Variants in PRKCH observed in about 807,000 individuals in gnomAD.
The protein encoded by PRKCH is protein kinase C eta.
A neutral mutation model predicts 82.5 loss-of-function variants in PRKCH; 28 were observed. The ratio of observed to expected loss-of-function variants is 0.34; its 90% confidence interval spans 0.25 to 0.47. The LOEUF is 0.47. Among genes scored for constraint, PRKCH ranks in the 20% least tolerant of loss-of-function variants. The pLI, the probability that PRKCH is intolerant of heterozygous loss-of-function variation, is 1.00. For synonymous variants in PRKCH, 322 were observed against 327.4 expected (o/e 0.98, Z 0.18); for missense variants, 705 against 881.8 (o/e 0.80, Z 2.54).
chr14:61,277,169 T>C (rs923607434), intron 1 of PRKCH, among the ~76,000 whole-genome samples: 2 of 152,062 alleles, frequency 1.3e-5, no homozygotes, highest in Non-Finnish European at 2.9e-5. Context: ...ATCACAGCAC[T>C]CCGGCCTGGG....
chr14:61,281,079 G>T, intron 1 of PRKCH: 1 of 1,517,294 alleles, frequency 6.6e-7, no homozygotes, highest in Non-Finnish European at 8.8e-7. Context: ...GCCAGGCGGG[G>T]AGGCGCTGCT....
intron 9 of PRKCH, among the ~76,000 whole-genome samples, chr14:61,476,909 T>C (rs763870972): frequency 6.6e-6 from 1 of 152,218 alleles, no homozygotes; most frequent in African/African-American, 2.4e-5. Context: ...TGTTTCTTCC[T>C]TGAAGCCTTT....
intron 7 of PRKCH, among the ~76,000 whole-genome samples, chr14:61,456,451 G>A (rs546192891): frequency 5.3e-5 from 8 of 152,296 alleles, no homozygotes; most frequent in South Asian, 2.1e-4. Context: ...TTGAATAGCC[G>A]TTAGAACTCA....
At chr14:61,371,320 A>G (rs1476370385) in intron 1 of PRKCH, among the ~76,000 whole-genome samples, 1 of 152,064 alleles carries the variant, frequency 6.6e-6, no homozygotes, top group East Asian at 1.9e-4. Context: ...CATTATTACT[A>G]ATTAAACTTC....
intron 1 of PRKCH, among the ~76,000 whole-genome samples, chr14:61,302,006 T>A (rs1055532558): frequency 6.6e-6 from 1 of 152,226 alleles, no homozygotes; most frequent in Non-Finnish European, 1.5e-5. Context: ...ACTGACCTAG[T>A]TTCTATCACT....
chr14:61,252,271 G>A (rs752934522), intron 1 of PRKCH, among the ~76,000 whole-genome samples: 13 of 152,158 alleles, frequency 8.5e-5, no homozygotes, highest in Non-Finnish European at 1.6e-4. Context: ...ATGATTCCTC[G>A]TTGGTCTGTC....
intron 1 of PRKCH, among the ~76,000 whole-genome samples, chr14:61,201,810 A>G: frequency 6.6e-6 from 1 of 152,194 alleles, no homozygotes; most frequent in East Asian, 1.9e-4. Flanking sequence ...CTTGAAGTTG[A>G]TAAGCAAAGA....
At chr14:61,547,680 T>C (rs1188111321) in intron 12 of PRKCH, 63 bp from the exon 13 acceptor site, 15 of 1,560,476 alleles carry the variant, frequency 9.6e-6, no homozygotes, top group Non-Finnish European at 1.3e-5. Flanking sequence ...TGATGCCTGC[T>C]GTCTTGTGAC....
At chr14:61,284,125 T>G (rs1364539598) in intron 1 of PRKCH, among the ~76,000 whole-genome samples, 1 of 152,168 alleles carries the variant, frequency 6.6e-6, no homozygotes, top group Non-Finnish European at 1.5e-5. Flanking sequence ...AGAGAACAGG[T>G]GCAGAGTTAT....
chr14:61,274,158 A>C (rs570282413), intron 1 of PRKCH, among the ~76,000 whole-genome samples: 1 of 152,266 alleles, frequency 6.6e-6, no homozygotes, highest in Non-Finnish European at 1.5e-5. Flanking sequence ...GTGAAAACAC[A>C]GAGTAAAGTC....
chr14:61,210,138 ATATATATATATATATATATATAT>A lies in PRKCH; in HGVS notation c.-19+22471_-19+22493del, dbSNP rs2044561407. On this transcript the variant is annotated intron_variant, in intron 1 of 3. Coordinates refer to the PRKCH transcript ENST00000555185. ...TATATATATATATATATATATATAT[ATATATATATATATATATATATAT>A]AAATTAGCTTGGCATAGTGGCAGGC... 6.4e-4 allele frequency among the ~76,000 whole-genome samples: 28 copies of A among 43,710 alleles called. 1 individual carries two copies. The highest frequency in any genetic ancestry group is 1.6e-3 in the South Asian group (2 of 1,218). The allele number at this position is 43,710 out of a possible 152,430, so 28.7% of individuals were successfully genotyped here. A position where few individuals can be genotyped will look rare whatever the true frequency, so the allele number is the denominator to read the frequency against.
chr14:61,531,118 G>A (rs1329296100), intron 12 of PRKCH, among the ~76,000 whole-genome samples: 3 of 152,214 alleles, frequency 2.0e-5, no homozygotes, highest in African/African-American at 7.2e-5. Context: ...GCCACGCCCA[G>A]GCTGCAGGTG....
chr14:61,380,556 G>T lies in PRKCH; in HGVS notation c.364-10669G>T, dbSNP rs577391739. Among the ~76,000 whole-genome samples, 7 of 152,254 alleles carry T rather than the reference G, an allele frequency of 4.6e-5. No homozygotes were observed. In the South Asian group the frequency reaches 1.5e-3, roughly 32 times the overall value. On this transcript the variant is annotated intron_variant, in intron 1 of 13. Transcript: ENST00000332981. ...GCTTTGGACCTGATGGGCTGGGCTT[G>T]GTCTCTTCAGAGCCTCTGTCCTCAT... is the stretch of plus-strand genomic sequence containing the variant.
intron 1 of PRKCH, among the ~76,000 whole-genome samples, chr14:61,222,081 G>T (rs990279059): frequency 6.6e-6 from 1 of 152,134 alleles, no homozygotes; most frequent in Non-Finnish European, 1.5e-5. Context: ...GAGTGCTGAC[G>T]CCTGCCTTCT....
intron 1 of PRKCH, among the ~76,000 whole-genome samples, chr14:61,261,305 T>C (rs529358653): frequency 2.0e-5 from 3 of 152,280 alleles, no homozygotes; most frequent in Admixed American, 1.3e-4. Context: ...TAGGGAATAG[T>C]TGAAGCAGCA....
At chr14:61,245,917 A>G (rs993578093) in intron 1 of PRKCH, among the ~76,000 whole-genome samples, 7 of 152,158 alleles carry the variant, frequency 4.6e-5, no homozygotes, top group Admixed American at 1.3e-4. Flanking sequence ...AGAACGACCT[A>G]TTTCTGTTTC....
Position 61,550,505 on chromosome 14 carries a change from T to C in PRKCH, c.*674T>C, listed in dbSNP as rs2043311821. 1 of 152,704 alleles carries C rather than the reference T, an allele frequency of 6.5e-6. No homozygotes were observed. The highest frequency in any genetic ancestry group is 2.1e-4 in the South Asian group (1 of 4,834). The allele number at this position is 152,704 out of a possible 1,614,324, so 9.5% of individuals were successfully genotyped here. A position where few individuals can be genotyped will look rare whatever the true frequency, so the allele number is the denominator to read the frequency against. The stretch of plus-strand genomic sequence containing the variant: ...GAAAAGGTGCCACAATGCCCAGTAT[T>C]GTAAACAACAGGTTTGCATTCATGA... On this transcript the variant is annotated 3_prime_UTR_variant, in exon 14 of 14. Transcript: ENST00000332981.
intron 1 of PRKCH, among the ~76,000 whole-genome samples, chr14:61,213,266 A>T (rs557535850): frequency 4.6e-5 from 7 of 152,292 alleles, no homozygotes; most frequent in Admixed American, 3.3e-4. Context: ...AGAAATCACA[A>T]AGTCAAGGAA....
chr14:61,332,780 T>C (rs1246799335), intron 1 of PRKCH, among the ~76,000 whole-genome samples: 1 of 152,244 alleles, frequency 6.6e-6, no homozygotes, highest in Non-Finnish European at 1.5e-5. Flanking sequence ...GTAAGTCACA[T>C]CTGTCCCTTG....
Sources: allele counts gnomAD v4.1 joint callset (sites outside exome capture counted in the v4.1 genomes callset), GRCh38; gene constraint gnomAD v4.1.1; transcripts MANE v1.5; gene names NCBI Gene and HGNC (gene_info 2026-07-23, HGNC 2026-07-21).